AKR1C8: variants seen among roughly 807,000 people sequenced by gnomAD.
AKR1C8 encodes the protein aldo-keto reductase family 1 member C-like protein 1.
At chr10:5,184,304 C>T in the AKR1C8 span, among the ~76,000 whole-genome samples, 1,283 of 152,324 alleles carry the variant, frequency 8.4e-3, 16 homozygotes, top group African/African-American at 0.029. Flanking sequence ...AACTTTCACT[C>T]CAACCTTACC....
the AKR1C8 span, among the ~76,000 whole-genome samples, chr10:5,148,609 C>T: frequency 9.3e-4 from 142 of 152,232 alleles, no homozygotes; most frequent in Admixed American, 8.1e-3. Context: ...CTTATTAGTG[C>T]TCACTGAATC....
At chr10:5,169,442 G>A in the AKR1C8 span, among the ~76,000 whole-genome samples, 1 of 152,122 alleles carries the variant, frequency 6.6e-6, no homozygotes, top group East Asian at 1.9e-4. Flanking sequence ...GATTCTGTTG[G>A]TTAAAAATTT....
At chr10:5,116,371 A>C in the AKR1C8 span, among the ~76,000 whole-genome samples, 9,605 of 152,124 alleles carry the variant, frequency 0.063, 351 homozygotes, top group Middle Eastern at 0.082. Flanking sequence ...GCAGAAGGTG[A>C]AGTCACGGGA....
chr10:5,123,627 T>A, the AKR1C8 span: 3 of 1,283,726 alleles, frequency 2.3e-6, no homozygotes, highest in Non-Finnish European at 2.2e-6. Context: ...TCACTGAGAG[T>A]AAACTCCAGG....
the AKR1C8 span, among the ~76,000 whole-genome samples, chr10:5,168,004 A>G: frequency 6.6e-6 from 1 of 152,104 alleles, no homozygotes; most frequent in East Asian, 1.9e-4. Flanking sequence ...ATTGCTAATT[A>G]TAATGAACTT....
the AKR1C8 span, among the ~76,000 whole-genome samples, chr10:5,137,945 G>A: frequency 0.018 from 2,676 of 152,086 alleles, 75 homozygotes; most frequent in African/African-American, 0.061. Flanking sequence ...CTACTAATAA[G>A]GGTCTAAGAA....
At chr10:5,156,587 C>T in the AKR1C8 span, among the ~76,000 whole-genome samples, 1 of 149,118 alleles carries the variant, frequency 6.7e-6, no homozygotes, top group Non-Finnish European at 1.5e-5. Flanking sequence ...ATGTATCCGT[C>T]CATCTTCTTT....
the AKR1C8 span, among the ~76,000 whole-genome samples, chr10:5,148,262 C>G: frequency 3.3e-5 from 5 of 151,252 alleles, no homozygotes; most frequent in African/African-American, 1.2e-4. Context: ...AGGGGAGAAG[C>G]AGGGAAGGAG....
the AKR1C8 span, among the ~76,000 whole-genome samples, chr10:5,179,636 C>A: frequency 7.2e-6 from 1 of 139,264 alleles, no homozygotes; most frequent in Non-Finnish European, 1.5e-5. Context: ...TAGATTTGGT[C>A]TTTTCACATA....
At chr10:5,181,890 A>G in the AKR1C8 span, among the ~76,000 whole-genome samples, 1 of 152,154 alleles carries the variant, frequency 6.6e-6, no homozygotes, top group Non-Finnish European at 1.5e-5. Flanking sequence ...GACTTTAACA[A>G]ACACTCTCAA....
At chr10:5,154,357 C>T in the AKR1C8 span, 1 of 249,422 alleles carries the variant, frequency 4.0e-6, no homozygotes, top group East Asian at 9.6e-5. Context: ...AATACCCACA[C>T]CTGAAAAACA....
the AKR1C8 span, among the ~76,000 whole-genome samples, chr10:5,127,382 A>T: frequency 6.6e-6 from 1 of 152,162 alleles, no homozygotes; most frequent in African/African-American, 2.4e-5. Context: ...AGAATTTCAG[A>T]GCTCAAAGAC....
chr10:5,144,354 C>T, the AKR1C8 span, among the ~76,000 whole-genome samples: 6 of 152,112 alleles, frequency 3.9e-5, no homozygotes, highest in South Asian at 2.1e-4. Flanking sequence ...CTTGGCGATG[C>T]GGGCTCTTTT....
chr10:5,116,626 C>T, the AKR1C8 span, among the ~76,000 whole-genome samples: 1 of 152,196 alleles, frequency 6.6e-6, no homozygotes, highest in African/African-American at 2.4e-5. Context: ...AAAATATTGG[C>T]TACAGGCCAT....
chr10:5,167,334 CAT>C, the AKR1C8 span, among the ~76,000 whole-genome samples: 2 of 152,144 alleles, frequency 1.3e-5, no homozygotes, highest in African/African-American at 2.4e-5. Context: ...CACATGCACA[CAT>C]ATGTTTATTG....
the AKR1C8 span, among the ~76,000 whole-genome samples, chr10:5,181,571 A>G: frequency 2.6e-5 from 4 of 152,198 alleles, no homozygotes; most frequent in African/African-American, 7.2e-5. Context: ...AAAAGTGAAC[A>G]GGATCACTTG....
At chr10:5,166,180 G>A in the AKR1C8 span, among the ~76,000 whole-genome samples, 1 of 151,712 alleles carries the variant, frequency 6.6e-6, no homozygotes, top group South Asian at 2.1e-4. Flanking sequence ...CTTTGACCCC[G>A]AGACTCTGAA....
At chr10:5,150,740 C>T in the AKR1C8 span, among the ~76,000 whole-genome samples, 10,620 of 151,644 alleles carry the variant, frequency 0.07, 423 homozygotes, top group Middle Eastern at 0.088. Context: ...CATAATAATG[C>T]AAAGATTAAA....
chr10:5,134,333 T>C, the AKR1C8 span, among the ~76,000 whole-genome samples: 49 of 152,286 alleles, frequency 3.2e-4, no homozygotes, highest in Non-Finnish European at 6.0e-4. Context: ...TCTTACAATG[T>C]ACAGTTGAGA....
Sources: gnomAD v4.1 joint callset for allele counts (sites outside exome capture counted in the v4.1 genomes callset) on GRCh38, gnomAD v4.1.1 for gene constraint, MANE v1.5 for transcripts, NCBI Gene and HGNC (gene_info 2026-07-23, HGNC 2026-07-21) for gene names.